The following UBR2 variants were observed in gnomAD, a reference collection of about 807,000 sequenced individuals.
UBR2 encodes the protein ubiquitin protein ligase E3 component n-recognin 2.
In UBR2, 92 loss-of-function variants were observed where a neutral mutation model predicts 247.9. The ratio of observed to expected loss-of-function variants is 0.37; its 90% confidence interval spans 0.31 to 0.44. UBR2 has a LOEUF of 0.44. Among genes scored for constraint, UBR2 ranks in the 20% least tolerant of loss-of-function variants. The probability of loss-of-function intolerance (pLI) is 1.00; values close to 1 mark genes in which losing one functional copy is unlikely to be tolerated. For missense variants in UBR2, 1,613 were observed against 2,112.6 expected, an observed-to-expected ratio of 0.76 and a Z score of 4.64; for synonymous variants, 672 against 693.5, an observed-to-expected ratio of 0.97 and a Z score of 0.49.
intron 1 of UBR2, among the ~76,000 whole-genome samples, chr6:42,567,265 C>G (rs1381723079): frequency 6.6e-6 from 1 of 152,174 alleles, no homozygotes; most frequent in Non-Finnish European, 1.5e-5. Flanking sequence ...AGTATCTAAG[C>G]TGACTCTTTA....
intron 1 of UBR2, among the ~76,000 whole-genome samples, chr6:42,569,651 T>A (rs1304531118): frequency 1.3e-5 from 2 of 152,240 alleles, no homozygotes; most frequent in Non-Finnish European, 2.9e-5. Context: ...ACATGTTGCT[T>A]ATCCTTGTTT....
chr6:42,568,439 T>C (rs1308035901), intron 1 of UBR2, among the ~76,000 whole-genome samples: 1 of 152,094 alleles, frequency 6.6e-6, no homozygotes, highest in Non-Finnish European at 1.5e-5. Flanking sequence ...TAAATATTTA[T>C]CCATGTTGGG....
intron 2 of UBR2, among the ~76,000 whole-genome samples, chr6:42,582,836 A>G (rs796771377): frequency 2.0e-5 from 3 of 151,876 alleles, no homozygotes; most frequent in Non-Finnish European, 2.9e-5. Flanking sequence ...ATGATATCTC[A>G]TTATAGTTCT....
Position 42,614,205 on chromosome 6 carries a change from A to AATATAT in UBR2, c.986-866_986-865insATATAT, listed in dbSNP as rs1562310782. Reference sequence around the variant, plus strand: ...AAAAAAAAAAAAAAAAAAAAAAAAAACTATATATATATACACACACACACA... The same window carrying AATATAT: ...AAAAAAAAAAAAAAAAAAAAAAAAAAATATATCTATATATATATACACACACACACA... On this transcript the variant is annotated intron_variant, in intron 8 of 46. Transcript: ENST00000372901. 3.5e-3 allele frequency among the ~76,000 whole-genome samples: 92 copies of AATATAT among 26,576 alleles called. 2 individuals carry two copies. The highest frequency in any genetic ancestry group is 5.7e-3 in the South Asian group (4 of 706). The allele number at this position is 26,576 out of a possible 152,430, so 17.4% of individuals were successfully genotyped here.
intron 1 of UBR2, among the ~76,000 whole-genome samples, chr6:42,567,597 T>G (rs1790859629): frequency 6.6e-6 from 1 of 152,092 alleles, no homozygotes; most frequent in Admixed American, 6.5e-5. Context: ...GGCATGGTGG[T>G]GCACCCCTGT....
At chr6:42,632,956 C>CTAT in intron 13 of UBR2, 52 bp downstream of exon 13, 1 of 929,524 alleles carries the variant, frequency 1.1e-6, no homozygotes, top group Non-Finnish European at 1.4e-6. Flanking sequence ...TTTCTCTTTT[C>CTAT]TCTTTTTTTT....
rs563728449 is a variant in UBR2 at position 42,659,339 on chromosome 6, CA to C, written c.3243-305del. ...TGAAACCCCATCTCTACTAAAAATACAAAAAAAAAAAATTAGCCGGGTGTGG... is the reference window on the plus strand; with the variant it reads ...TGAAACCCCATCTCTACTAAAAATACAAAAAAAAAAATTAGCCGGGTGTGG... On this transcript the variant is annotated intron_variant, in intron 29 of 46. Coordinates refer to ENST00000372901, the MANE Select transcript of UBR2 (RefSeq NM_001363705.2). The surrounding 1 kb of genome is among the most constrained non-coding windows in gnomAD (Gnocchi z 4.3). Among the ~76,000 whole-genome samples, 378 of 141,574 alleles carry C rather than the reference CA, an allele frequency of 2.7e-3. No homozygotes were observed. The highest frequency in any genetic ancestry group is 3.5e-3 in the Middle Eastern group (1 of 286). The allele number at this position is 141,574 out of a possible 152,430, so 92.9% of individuals were successfully genotyped here.
intron 6 of UBR2, 107 bp downstream of exon 6, chr6:42,605,966 A>G: frequency 2.9e-6 from 3 of 1,041,850 alleles, no homozygotes; most frequent in Non-Finnish European, 4.0e-6. Flanking sequence ...GGCTTTTCTT[A>G]AAATTTCATT....
chr6:42,632,958 C>CTTTTTTTTTTTTTTTTTATTTTTTTT (rs1795847745), intron 13 of UBR2, 54 bp downstream of exon 13: 1 of 610,590 alleles, frequency 1.6e-6, no homozygotes, highest in Non-Finnish European at 2.3e-6. Flanking sequence ...TCTCTTTTCT[C>CTTTTTTTTTTTTTTTTTATTTTTTTT]TTTTTTTTTT....
At chr6:42,619,879 A>C (rs1335161536) in intron 11 of UBR2, 3 of 799,804 alleles carry the variant, frequency 3.8e-6, no homozygotes, top group African/African-American at 1.9e-5. Context: ...CACCACACCC[A>C]GCTAGTCTTA....
chr6:42,615,043 C>T (rs941191512), intron 8 of UBR2, 28 bp from the exon 9 acceptor site: 2 of 1,579,234 alleles, frequency 1.3e-6, no homozygotes, highest in Admixed American at 1.7e-5. Flanking sequence ...AAGTTGCTAT[C>T]TCATTCTACC....
intron 7 of UBR2, among the ~76,000 whole-genome samples, chr6:42,611,077 CT>C (rs1794042709): frequency 6.6e-6 from 1 of 150,422 alleles, no homozygotes; most frequent in Non-Finnish European, 1.5e-5. Flanking sequence ...AACTCCTGAC[CT>C]CAGGTGATCC....
At chr6:42,586,425 TGAAAA>T (rs1191468906) in intron 2 of UBR2, among the ~76,000 whole-genome samples, 2 of 152,152 alleles carry the variant, frequency 1.3e-5, no homozygotes, top group Non-Finnish European at 2.9e-5. Flanking sequence ...CATGTGCATT[TGAAAA>T]GAAGGTATAT....
At chr6:42,585,231 T>C (rs1792177809) in intron 2 of UBR2, among the ~76,000 whole-genome samples, 2 of 152,210 alleles carry the variant, frequency 1.3e-5, no homozygotes, top group African/African-American at 4.8e-5. Flanking sequence ...TTTATTCCAT[T>C]AGTTTGGTTG....
chr6:42,650,476 T>C, intron 23 of UBR2, 90 bp downstream of exon 23: 2 of 1,096,176 alleles, frequency 1.8e-6, no homozygotes. Context: ...GGCTAGAGTT[T>C]GGTGGCTATT....
At position 42,614,818 on chromosome 6, in the gene UBR2, A is replaced by C. The variant is rs548092239; in HGVS notation, c.986-253A>C. On this transcript the variant is annotated intron_variant, in intron 8 of 46. Transcript: ENST00000372901. ...TCTCTTTAATTAAATTCATTAAAGC[A>C]CAAGAGGTTATTGCCTTTATGATAG... Among the ~76,000 whole-genome samples the C allele has an allele frequency of 5.3e-5, 8 of 152,294 alleles. No homozygotes were observed. The South Asian group carries it at 1.7e-3, about 32-fold the overall frequency.
chr6:42,571,840 G>A (rs1359048167), intron 1 of UBR2, among the ~76,000 whole-genome samples: 1 of 151,566 alleles, frequency 6.6e-6, no homozygotes, highest in Non-Finnish European at 1.5e-5. Context: ...CTTTGAATGA[G>A]GCCAAAACGA....
chr6:42,651,492 T>C (rs1367322412), intron 23 of UBR2, among the ~76,000 whole-genome samples: 1 of 151,924 alleles, frequency 6.6e-6, no homozygotes, highest in Admixed American at 6.6e-5. Context: ...AAGATAGATA[T>C]CTTTTTTATT....
At chr6:42,628,511 C>A (rs1392378435) in intron 11 of UBR2, among the ~76,000 whole-genome samples, 1 of 152,060 alleles carries the variant, frequency 6.6e-6, no homozygotes, top group African/African-American at 2.4e-5. Context: ...CACTTGAGGT[C>A]AGGAGTTCGA....
Sources: gnomAD v4.1 joint callset for allele counts (sites outside exome capture counted in the v4.1 genomes callset) on GRCh38, gnomAD v4.1.1 for gene constraint, Gnocchi (gnomAD v3.1) non-coding constraint, MANE v1.5 for transcripts, NCBI Gene and HGNC (gene_info 2026-07-23, HGNC 2026-07-21) for gene names.